CACNA2D4: variants seen among roughly 807,000 people sequenced by gnomAD.
The protein encoded by CACNA2D4 is voltage-dependent calcium channel subunit alpha-2/delta-4.
In CACNA2D4, 157 loss-of-function variants were observed where a neutral mutation model predicts 163.8. The ratio of observed to expected loss-of-function variants is 0.96; its 90% CI spans 0.84 to 1.09. The LOEUF (loss-of-function observed/expected upper bound fraction) is 1.09. Ranked by LOEUF, CACNA2D4 falls within the 50% of genes least tolerant of loss-of-function variation. CACNA2D4 has a pLI of 0.00. For synonymous variants in CACNA2D4, 598 were observed against 586.9 expected (o/e 1.02, Z -0.27); for missense variants, 1,410 against 1,479.9 (o/e 0.95, Z 0.78).
chr12:1,794,595 T>A (rs1053369164), intron 37 of CACNA2D4, among the ~76,000 whole-genome samples: 1 of 152,168 alleles, frequency 6.6e-6, no homozygotes, highest in African/African-American at 2.4e-5. Flanking sequence ...GTTGTTAGCG[T>A]GGCTCACTCA....
chr12:1,885,427 C>A (rs530445110), intron 9 of CACNA2D4, among the ~76,000 whole-genome samples: 2 of 152,168 alleles, frequency 1.3e-5, no homozygotes, highest in Non-Finnish European at 2.9e-5. Context: ...GTGCACACTT[C>A]ACAGCAGAAA....
At chr12:1,831,017 G>A in intron 26 of CACNA2D4, 1 of 1,614,136 alleles carries the variant, frequency 6.2e-7, no homozygotes, top group Non-Finnish European at 8.5e-7. Context: ...GCCGCAGCCT[G>A]GAGGTGGACT....
At chr12:1,900,955 A>G (rs1226417968) in intron 6 of CACNA2D4, among the ~76,000 whole-genome samples, 1 of 152,246 alleles carries the variant, frequency 6.6e-6, no homozygotes, top group Non-Finnish European at 1.5e-5. Flanking sequence ...AGGCCAGAAA[A>G]TAAGTCTTAA....
intron 26 of CACNA2D4, among the ~76,000 whole-genome samples, chr12:1,814,934 G>A (rs1187928216): frequency 6.6e-6 from 1 of 152,192 alleles, no homozygotes; most frequent in Non-Finnish European, 1.5e-5. Flanking sequence ...CTGTCACCCA[G>A]GCTGGAGTGC....
chr12:1,846,615 C>G lies in CACNA2D4; in HGVS notation c.2321G>C (p.Gly774Ala), dbSNP rs373327688. The G allele has an allele frequency of 6.2e-6, 10 of 1,600,952 alleles. No individual in the cohort carries two copies. In the African/African-American group the frequency reaches 1.2e-4, roughly 19 times the overall value. ...CCACCTGTCGGAGACCTTCTCGGAGCCCACGAACAAGCTGCTTCTCAGGAG... is the reference window on the plus strand; with the variant it reads ...CCACCTGTCGGAGACCTTCTCGGAGGCCACGAACAAGCTGCTTCTCAGGAG... ...AGLLRSSLFVGSEKVSDRKFL... is the reference protein window; with the variant it reads ...AGLLRSSLFVASEKVSDRKFL... Residue 774 changes from glycine to alanine, a missense_variant, in exon 24 of 38, where the codon GGC becomes GCC. By Grantham distance (60) the Gly-to-Ala change is moderately conservative (BLOSUM62 0). Coordinates refer to ENST00000382722, the MANE Select transcript of CACNA2D4 (RefSeq NM_172364.5).
In CACNA2D4 at chr12:1,795,753, G is replaced by A. The variant is rs1863102949; in HGVS notation, c.3141C>T (p.Asn1047=). The stretch of plus-strand genomic sequence containing the variant: ...CTGTCACCAGGAGGAGGAGGTTACT[G>A]TTGGGAATCTGCTGCACCACAAATA... ...QKVFVVQQIP[N]SNLLLLVTDP... is the part of the protein sequence containing the mutation. Residue 1047 remains asparagine, a synonymous_variant, in exon 36 of 38, where the codon AAC becomes AAT. Transcript: ENST00000382722. 1.2e-6 allele frequency: 2 copies of A among 1,612,786 alleles called. No individual in the cohort carries two copies. The highest frequency in any genetic ancestry group is 1.1e-5 in the South Asian group (1 of 91,056).
In CACNA2D4 at chr12:1,878,338, A is replaced by T. The variant is rs1171738380; in HGVS notation, c.1696T>A (p.Ser566Thr). The change falls in exon 16 of 38, where the codon TCC (serine) becomes ACC (threonine). Residue 566 changes from serine (S) to threonine (T), a missense_variant. Ser to Thr is a moderately conservative substitution (Grantham distance 58, BLOSUM62 1). Coordinates refer to ENST00000382722, the MANE Select transcript of CACNA2D4 (RefSeq NM_172364.5). The surrounding 1 kb of genome is among the most constrained non-coding windows in gnomAD (Gnocchi z 4.6). ...ACCAGGGGCCGGAGGTCGGGATGGG[A>T]GAGGATGTAGCCATTGTTGGTGTTC... is the stretch of plus-strand genomic sequence containing the variant. The part of the protein sequence containing the change: ...FLNTNNGYIL[S>T]HPDLRPLYRE... 1 of 1,609,818 alleles carries T rather than the reference A, an allele frequency of 6.2e-7. No homozygotes were observed. Among genetic ancestry groups the T allele is most frequent in the Non-Finnish European group, 8.5e-7 (1 of 1,178,398 alleles).
intron 6 of CACNA2D4, among the ~76,000 whole-genome samples, chr12:1,893,930 G>A (rs898690760): frequency 6.6e-6 from 1 of 151,978 alleles, no homozygotes; most frequent in Non-Finnish European, 1.5e-5. Flanking sequence ...ACAAACTAGA[G>A]ACTAAAAAAT....
intron 18 of CACNA2D4, among the ~76,000 whole-genome samples, chr12:1,873,113 A>G (rs941200444): frequency 2.0e-5 from 3 of 152,148 alleles, no homozygotes; most frequent in African/African-American, 7.2e-5. Context: ...TGAGTGTTCA[A>G]TGAGTGAATA....
At chr12:1,906,625 C>G (rs1256640210) in intron 6 of CACNA2D4, among the ~76,000 whole-genome samples, 3 of 152,156 alleles carry the variant, frequency 2.0e-5, no homozygotes, top group Non-Finnish European at 4.4e-5. Context: ...CTGGAGTAGA[C>G]AAGAGGGGCA....
chr12:1,794,281 T>TG (rs1459924743), intron 37 of CACNA2D4, among the ~76,000 whole-genome samples: 1 of 152,170 alleles, frequency 6.6e-6, no homozygotes, highest in Non-Finnish European at 1.5e-5. Context: ...TAAAGCACCT[T>TG]GGGATCCTGG....
rs985840693 is a variant in CACNA2D4 at position 1,833,265 on chromosome 12, C to G, written c.2551+7474G>C. Among the ~76,000 whole-genome samples, 3 of 152,134 alleles carry G rather than the reference C, an allele frequency of 2.0e-5. No individual in the cohort carries two copies. Among genetic ancestry groups the G allele is most frequent in the African/African-American group, 7.2e-5 (3 of 41,422 alleles). On this transcript the variant is annotated intron_variant, in intron 26 of 37. Transcript: ENST00000382722. The surrounding 1 kb of genome is among the most constrained non-coding windows in gnomAD (Gnocchi z 4.2). Reference sequence around the variant, plus strand: ...GGGCTGCAGAGGGAGCTGCCAGTGACGGAGTGGCTGCAGCCCGCATCTTTT... The same window carrying G: ...GGGCTGCAGAGGGAGCTGCCAGTGAGGGAGTGGCTGCAGCCCGCATCTTTT...
At chr12:1,838,479 G>C (rs1864938547) in intron 26 of CACNA2D4, among the ~76,000 whole-genome samples, 1 of 152,234 alleles carries the variant, frequency 6.6e-6, no homozygotes, top group African/African-American at 2.4e-5. Flanking sequence ...CAGGGAGGCT[G>C]AGCCACAGGC....
chr12:1,795,672 G>A lies in CACNA2D4; in HGVS notation c.3222C>T (p.Val1074=), dbSNP rs747218944. 1.2e-6 allele frequency: 2 copies of A among 1,601,786 alleles called. No individual in the cohort carries two copies. The highest frequency in any genetic ancestry group is 1.7e-5 in the Admixed American group (1 of 60,010). ...TCCCCGAGCATTGCAGGATATATTT[G>A]ACTTCTGTCGCCTCCTGCAGCACTG... ...FPPVLQEATE[V]KYNASVKCDR... is the part of the protein sequence containing the mutation. The change falls in exon 36 of 38, where the codon GTC becomes GTT. Residue 1074 remains valine, a synonymous_variant. Transcript: ENST00000382722.
At chr12:1,796,659 G>A (rs926240105) in intron 35 of CACNA2D4, among the ~76,000 whole-genome samples, 3 of 152,222 alleles carry the variant, frequency 2.0e-5, no homozygotes, top group African/African-American at 4.8e-5. Flanking sequence ...AGGGAGTGGG[G>A]GAGAAGGGAG....
Position 1,811,749 on chromosome 12 carries a change from A to T in CACNA2D4, c.2552-26T>A. On this transcript the variant is annotated intron_variant, in intron 26 of 37. Transcript: ENST00000382722. ...CTACAGGGCAGAAAGAGAGAGGGCA[A>T]GGCCAGGGAAGAGACGGGGAGAGAA... 5 of 1,554,858 alleles carry T rather than the reference A, an allele frequency of 3.2e-6. No homozygotes were observed. In the South Asian group the frequency reaches 4.7e-5, roughly 15 times the overall value.
In CACNA2D4 at chr12:1,801,563, G is replaced by A. The variant is rs1406577747; in HGVS notation, c.2792+11C>T. On this transcript the variant is annotated intron_variant, in intron 30 of 37. Coordinates refer to ENST00000382722, the MANE Select transcript of CACNA2D4 (RefSeq NM_172364.5). ...GTCTATTTGGACTGGGGAGGAGTGT[G>A]CCCCACTTACTGGCTGAACACCCCC... The A allele has an allele frequency of 6.4e-7, 1 of 1,571,306 alleles. No homozygotes were observed. The highest frequency in any genetic ancestry group is 8.7e-7 in the Non-Finnish European group (1 of 1,154,846).
rs767022078 is a variant in CACNA2D4 at position 1,908,040 on chromosome 12, G to T, written c.487-3C>A. 2.5e-6 allele frequency: 4 copies of T among 1,608,538 alleles called. No individual in the cohort carries two copies. The highest frequency in any genetic ancestry group is 1.3e-5 in the African/African-American group (1 of 74,990). Reference sequence around the variant, plus strand: ...AGGACCGAGTTGTAATAGTCGAACTGGGGTGGACGGGTGAGGCCCACGGAG... The same window carrying T: ...AGGACCGAGTTGTAATAGTCGAACTTGGGTGGACGGGTGAGGCCCACGGAG... On this transcript the variant is annotated splice_polypyrimidine_tract_variant and splice_region_variant and intron_variant, in intron 4 of 37. Transcript: ENST00000382722.
At chr12:1,897,568 A>G (rs1454340666) in intron 6 of CACNA2D4, among the ~76,000 whole-genome samples, 2 of 152,216 alleles carry the variant, frequency 1.3e-5, no homozygotes, top group Non-Finnish European at 2.9e-5. Flanking sequence ...TTCACAATAA[A>G]TGTAAATATG....
Sources: gnomAD v4.1 joint callset for allele counts (sites outside exome capture counted in the v4.1 genomes callset) on GRCh38, gnomAD v4.1.1 for gene constraint, Gnocchi (gnomAD v3.1) non-coding constraint, MANE v1.5 for transcripts, NCBI Gene and HGNC (gene_info 2026-07-23, HGNC 2026-07-21) for gene names.